Variants in PLD1 observed in about 807,000 individuals in gnomAD.
The protein encoded by PLD1 is phospholipase D1.
Under a neutral mutation model 137.1 loss-of-function variants are expected in PLD1, and 112 were observed. That is an observed-to-expected ratio of 0.82 (90% confidence interval 0.70 to 0.96). The LOEUF is 0.96. Among genes scored for constraint, PLD1 ranks in the 40% least tolerant of loss-of-function variants. PLD1 has a pLI of 0.00. For missense variants in PLD1, 1,321 were observed against 1,342.0 expected, an observed-to-expected ratio of 0.98 and a Z score of 0.24; for synonymous variants, 431 against 454.7, an observed-to-expected ratio of 0.95 and a Z score of 0.66.
chr3:171,690,638 T>C (rs1715065538), intron 13 of PLD1, among the ~76,000 whole-genome samples: 1 of 152,340 alleles, frequency 6.6e-6, no homozygotes, highest in African/African-American at 2.4e-5. Flanking sequence ...TTCCACAAAT[T>C]TGTGAACTTT....
At chr3:171,703,535 T>A (rs1177452132) in intron 11 of PLD1, among the ~76,000 whole-genome samples, 1 of 152,182 alleles carries the variant, frequency 6.6e-6, no homozygotes, top group East Asian at 1.9e-4. Flanking sequence ...TTTCTAGTTC[T>A]GTATGGAAAA....
intron 19 of PLD1, among the ~76,000 whole-genome samples, chr3:171,673,911 G>T (rs191420125): frequency 1.3e-5 from 2 of 150,760 alleles, no homozygotes; most frequent in East Asian, 3.9e-4. Flanking sequence ...AAGCAGATTG[G>T]GTAACACTGG....
chr3:171,643,251 A>T (rs1176071888), intron 22 of PLD1: 3 of 183,716 alleles, frequency 1.6e-5, no homozygotes, highest in African/African-American at 4.8e-5. Context: ...TTAGAGAATC[A>T]CATTGCTCTC....
rs770797262 is a variant in PLD1, at chr3:171,738,094, GA to G, written c.-31-13del. 1.9e-5 allele frequency: 29 copies of G among 1,506,070 alleles called. No individual in the cohort carries two copies. The highest frequency in any genetic ancestry group is 1.6e-5 in the Non-Finnish European group (18 of 1,104,516). 93.3% of individuals were successfully genotyped at this position (1,506,070 alleles called of 1,614,324 possible). ...TAAAAGCAAAGGGGCTAGGAAAGAA[GA>G]AAACGGTTACAAAGACTTAGCATTT... is the stretch of plus-strand genomic sequence containing the variant. On this transcript the variant is annotated splice_polypyrimidine_tract_variant and intron_variant, in intron 1 of 26. Coordinates refer to ENST00000351298, the MANE Select transcript of PLD1 (RefSeq NM_002662.5).
At chr3:171,733,572 G>A (rs1015838870) in intron 5 of PLD1, 63 bp from the exon 6 acceptor site, 14 of 675,510 alleles carry the variant, frequency 2.1e-5, no homozygotes, top group Admixed American at 2.0e-4. Context: ...AAATTAAACA[G>A]TAGTGACAAT....
intron 23 of PLD1, among the ~76,000 whole-genome samples, chr3:171,632,297 T>C (rs921011892): frequency 6.6e-6 from 1 of 152,148 alleles, no homozygotes; most frequent in Non-Finnish European, 1.5e-5. Flanking sequence ...TGAAAGATAA[T>C]TTCAGATTAA....
At chr3:171,685,378 G>C (rs574686063) in intron 16 of PLD1, among the ~76,000 whole-genome samples, 27 of 152,274 alleles carry the variant, frequency 1.8e-4, no homozygotes, top group African/African-American at 5.8e-4. Flanking sequence ...CAGGACATGA[G>C]AGCCCTGGCC....
At chr3:171,641,718 T>C (rs1478283133) in intron 23 of PLD1, among the ~76,000 whole-genome samples, 2 of 152,084 alleles carry the variant, frequency 1.3e-5, no homozygotes, top group African/African-American at 4.8e-5. Context: ...CCTCAAGTCA[T>C]CCCTCATAAT....
chr3:171,794,981 T>C (rs1169295809), intron 1 of PLD1, among the ~76,000 whole-genome samples: 2 of 152,256 alleles, frequency 1.3e-5, no homozygotes, highest in Non-Finnish European at 2.9e-5. Context: ...ATAATAGACA[T>C]ATGCGCATGC....
chr3:171,620,372 T>C lies in PLD1; in HGVS notation c.2728+14A>G. The stretch of plus-strand genomic sequence containing the variant: ...TGGCAAGGAATACAATTATAGACCA[T>C]ATACTGTACTTACCAATAATAACAG... On this transcript the variant is annotated intron_variant, in intron 24 of 26. Transcript: ENST00000351298. 6 of 1,560,720 alleles carry C rather than the reference T, an allele frequency of 3.8e-6. No homozygotes were observed. The highest frequency in any genetic ancestry group is 2.4e-5 in the South Asian group (2 of 84,744).
chr3:171,637,898 C>T (rs898447524), intron 23 of PLD1, among the ~76,000 whole-genome samples: 7 of 151,950 alleles, frequency 4.6e-5, no homozygotes, highest in South Asian at 2.1e-4. Context: ...TACACTTAAC[C>T]AGCTGGGCAC....
intron 1 of PLD1, among the ~76,000 whole-genome samples, chr3:171,757,795 A>G (rs1386415730): frequency 6.6e-6 from 1 of 152,244 alleles, no homozygotes; most frequent in East Asian, 1.9e-4. Flanking sequence ...GCTCAAACAC[A>G]GGAACTAAAT....
chr3:171,681,883 C>T (rs1302293017), intron 16 of PLD1, among the ~76,000 whole-genome samples: 1 of 152,054 alleles, frequency 6.6e-6, no homozygotes. Flanking sequence ...ATTTGAAAAG[C>T]CTGTCTCAAC....
At chr3:171,707,177 G>A (rs1716760128) in intron 11 of PLD1, among the ~76,000 whole-genome samples, 1 of 152,178 alleles carries the variant, frequency 6.6e-6, no homozygotes, top group Non-Finnish European at 1.5e-5. Flanking sequence ...AAGGTAGAGG[G>A]AGAGGATCAG....
chr3:171,798,101 G>C (rs780199363), intron 1 of PLD1, among the ~76,000 whole-genome samples: 1 of 152,216 alleles, frequency 6.6e-6, no homozygotes, highest in Non-Finnish European at 1.5e-5. Flanking sequence ...ACTTAAGTAA[G>C]ATTGTCCTAT....
chr3:171,750,286 G>C (rs1720562299), intron 1 of PLD1, among the ~76,000 whole-genome samples: 2 of 152,086 alleles, frequency 1.3e-5, no homozygotes, highest in South Asian at 4.1e-4. Context: ...AATGACAGAA[G>C]AAAGGGTCAA....
chr3:171,666,017 A>G (rs951706227), intron 19 of PLD1, among the ~76,000 whole-genome samples: 9 of 152,232 alleles, frequency 5.9e-5, no homozygotes, highest in Non-Finnish European at 1.5e-5. Flanking sequence ...TCTCCCTATC[A>G]CCACAAGAAA....
intron 1 of PLD1, among the ~76,000 whole-genome samples, chr3:171,752,072 T>C (rs1237281533): frequency 1.3e-5 from 2 of 150,346 alleles, no homozygotes; most frequent in Admixed American, 6.6e-5. Flanking sequence ...AATAGGTAAA[T>C]GAATGTTTTA....
intron 20 of PLD1, among the ~76,000 whole-genome samples, 172 bp downstream of exon 20, chr3:171,661,888 A>G (rs987491942): frequency 1.3e-5 from 2 of 152,170 alleles, no homozygotes; most frequent in African/African-American, 2.4e-5. Flanking sequence ...AGTTCCAGGT[A>G]TGCTTGGGAG....
Sources: allele counts gnomAD v4.1 joint callset (sites outside exome capture counted in the v4.1 genomes callset), GRCh38; gene constraint gnomAD v4.1.1; transcripts MANE v1.5; gene names NCBI Gene and HGNC (gene_info 2026-07-23, HGNC 2026-07-21).